NEXMIF: variants seen among roughly 807,000 people sequenced by gnomAD.
NEXMIF encodes neurite extension and migration factor, also known as XLMR protein related to neurite extension.
In NEXMIF, 8 loss-of-function variants were observed where a neutral mutation model predicts 62.1. The observed-to-expected ratio is 0.13, with a 90% CI of 0.08 to 0.23. The LOEUF (loss-of-function observed/expected upper bound fraction) is 0.23. Among genes scored for constraint, NEXMIF ranks in the 10% least tolerant of loss-of-function variants. The pLI, the probability that NEXMIF is intolerant of heterozygous loss-of-function variation, is 1.00. For synonymous variants in NEXMIF, 404 were observed against 416.6 expected (o/e 0.97, Z 0.37); for missense variants, 976 against 1,113.3 (o/e 0.88, Z 1.75).
intron 1 of NEXMIF, among the ~76,000 whole-genome samples, chrX:74,761,477 C>T (rs2080175738): frequency 9.0e-6 from 1 of 110,967 alleles, no homozygotes; most frequent in Non-Finnish European, 1.9e-5. Flanking sequence ...GGAATTTATC[C>T]ATCTCTTCTA....
intron 1 of NEXMIF, among the ~76,000 whole-genome samples, chrX:74,790,625 ATTTG>A (rs1183055762): frequency 8.8e-6 from 1 of 113,438 alleles, no homozygotes; most frequent in African/African-American, 3.2e-5. Context: ...ATGTTCTTCC[ATTTG>A]TTTGTATCCT....
At chrX:74,763,305 T>C (rs2080183563) in intron 1 of NEXMIF, among the ~76,000 whole-genome samples, 1 of 111,581 alleles carries the variant, frequency 9.0e-6, no homozygotes, top group Non-Finnish European at 1.9e-5. Flanking sequence ...CTGAGGCCTC[T>C]GTTCTGTTCC....
At chrX:74,869,958 GAA>G (rs200477834) in intron 1 of NEXMIF, among the ~76,000 whole-genome samples, 1 of 109,117 alleles carries the variant, frequency 9.2e-6, no homozygotes, top group Non-Finnish European at 1.9e-5. Flanking sequence ...CACAGAAATA[GAA>G]AAAAAAATCC....
intron 1 of NEXMIF, among the ~76,000 whole-genome samples, chrX:74,899,743 C>T (rs2080743382): frequency 9.0e-6 from 1 of 111,573 alleles, no homozygotes; most frequent in Admixed American, 9.5e-5. Flanking sequence ...CTAAAACTCA[C>T]ATGGAACCAC....
chrX:74,776,985 A>G (rs1165548349), intron 1 of NEXMIF, among the ~76,000 whole-genome samples: 2 of 111,071 alleles, frequency 1.8e-5, no homozygotes, highest in Non-Finnish European at 3.8e-5. Context: ...TACTTAAACA[A>G]CAAGCTGGGG....
chrX:74,903,879 TCGTGTGTGTGTG>T (rs1297187214), intron 1 of NEXMIF, among the ~76,000 whole-genome samples: 1 of 65,754 alleles, frequency 1.5e-5, no homozygotes, highest in East Asian at 6.8e-4. Context: ...ACAATTCTAA[TCGTGTGTGTGTG>T]TGTGTGTGTG....
chrX:74,799,379 G>C (rs2080322148), intron 1 of NEXMIF, among the ~76,000 whole-genome samples: 1 of 111,140 alleles, frequency 9.0e-6, no homozygotes, highest in African/African-American at 3.3e-5. Context: ...ATCCCAATTT[G>C]TGCTGGTTTT....
chrX:74,871,868 T>C (rs1229317079), intron 1 of NEXMIF, among the ~76,000 whole-genome samples: 3 of 111,737 alleles, frequency 2.7e-5, no homozygotes, highest in Admixed American at 9.6e-5. Context: ...CAATCAGATT[T>C]CATATTGTTG....
At chrX:74,803,539 G>A (rs189541894) in intron 1 of NEXMIF, among the ~76,000 whole-genome samples, 100 of 110,616 alleles carry the variant, frequency 9.0e-4, no homozygotes, top group African/African-American at 3.2e-3. Flanking sequence ...CTGCACTCCA[G>A]CCTGGGCAAC....
intron 1 of NEXMIF, among the ~76,000 whole-genome samples, chrX:74,854,451 CATA>C (rs1383853316): frequency 6.3e-5 from 7 of 111,599 alleles, no homozygotes; most frequent in Admixed American, 3.8e-4. Context: ...CGTATGTAAA[CATA>C]ATAAAGAGCA....
intron 1 of NEXMIF, among the ~76,000 whole-genome samples, chrX:74,786,665 C>T (rs1287482849): frequency 8.9e-6 from 1 of 111,989 alleles, no homozygotes; most frequent in Non-Finnish European, 1.9e-5. Flanking sequence ...CAAATGAGCA[C>T]ATGACATTCC....
chrX:74,824,891 G>A lies in NEXMIF; in HGVS notation c.-47-79194C>T, dbSNP rs141792107. Among the ~76,000 whole-genome samples, 115 of 110,271 alleles carry A rather than the reference G, an allele frequency of 1.0e-3. 1 individual carries two copies. In the East Asian group the frequency reaches 0.028, roughly 26 times the overall value. On this transcript the variant is annotated intron_variant, in intron 1 of 3. Coordinates refer to ENST00000055682, the MANE Select transcript of NEXMIF (RefSeq NM_001008537.3). The stretch of plus-strand genomic sequence containing the variant: ...TCTCTATCTCCTGACGTCGTGATCC[G>A]CCCACCTCGGCCTCCCAAAGTGCTG...
rs372044888 is a variant in NEXMIF at position 74,742,845 on chromosome X, C to T, written c.1712G>A (p.Ser571Asn). 47 of 1,209,430 alleles carry T rather than the reference C, an allele frequency of 3.9e-5. No homozygotes were observed. Among genetic ancestry groups the T allele is most frequent in the East Asian group, 1.2e-4 (4 of 33,748 alleles). ...GGCATATTTGTTGAGCTGATTCTCA[C>T]TCAAATTCACTGTTGTCTCACTGGC... ...VDASETTVNL[S>N]ENQLNKYAKL... Residue 571 changes from serine to asparagine, a missense_variant, in exon 3 of 4, where the codon AGT (serine) becomes AAT (asparagine). Physicochemically the swap from Ser to Asn is conservative, Grantham distance 46. Coordinates refer to ENST00000055682, the MANE Select transcript of NEXMIF (RefSeq NM_001008537.3).
rs1279640922 is a variant in NEXMIF, at chrX:74,738,877, C to A, written c.*528G>T. On this transcript the variant is annotated 3_prime_UTR_variant, in exon 4 of 4. Transcript: ENST00000055682. ...ATATATACACACACACACACACACA[C>A]AAACATATACATATATATGTTTGGG... 8 of 108,674 alleles carry A rather than the reference C, an allele frequency of 7.4e-5. No homozygotes were observed. The Admixed American group carries it at 7.9e-4, about 11-fold the overall frequency. The allele number at this position is 108,674 out of a possible 1,213,427, so 9.0% of individuals were successfully genotyped here.
At chrX:74,758,411 A>T (rs192802316) in intron 1 of NEXMIF, among the ~76,000 whole-genome samples, 25 of 110,608 alleles carry the variant, frequency 2.3e-4, no homozygotes, top group African/African-American at 5.6e-4. Context: ...AAACTGATTT[A>T]AAAAAAAACT....
intron 1 of NEXMIF, among the ~76,000 whole-genome samples, chrX:74,880,189 G>A (rs762135425): frequency 1.8e-5 from 2 of 111,613 alleles, no homozygotes; most frequent in Non-Finnish European, 3.8e-5. Flanking sequence ...ATCACCTTAC[G>A]TTACACTTAT....
intron 1 of NEXMIF, among the ~76,000 whole-genome samples, chrX:74,878,639 G>T (rs2080649175): frequency 8.9e-6 from 1 of 112,565 alleles, no homozygotes; most frequent in Non-Finnish European, 1.9e-5. Flanking sequence ...GCAATCAGCG[G>T]GACTCCGTGG....
chrX:74,895,599 TA>T (rs1387012766), intron 1 of NEXMIF, among the ~76,000 whole-genome samples: 1 of 111,555 alleles, frequency 9.0e-6, no homozygotes, highest in Non-Finnish European at 1.9e-5. Flanking sequence ...GGTACTGGCA[TA>T]AAAAACAGGT....
chrX:74,779,222 T>G (rs993652648), intron 1 of NEXMIF, among the ~76,000 whole-genome samples: 1 of 112,632 alleles, frequency 8.9e-6, no homozygotes, highest in Non-Finnish European at 1.9e-5. Context: ...GAGTTCTGAC[T>G]GATTGAGTAA....
Sources: gnomAD v4.1 joint callset for allele counts (sites outside exome capture counted in the v4.1 genomes callset) on GRCh38, gnomAD v4.1.1 for gene constraint, MANE v1.5 for transcripts, NCBI Gene and HGNC (gene_info 2026-07-23, HGNC 2026-07-21) for gene names.